The following IGSF10 variants were observed in gnomAD, a reference collection of about 807,000 sequenced individuals.
The protein encoded by IGSF10 is calvaria mechanical force protein 608.
In IGSF10, 126 loss-of-function variants were observed where a neutral mutation model predicts 128.2. The ratio of observed to expected loss-of-function variants is 0.98; its 90% CI spans 0.85 to 1.14. IGSF10 has a LOEUF of 1.14. Among genes scored for constraint, IGSF10 ranks in the 50% most tolerant of loss-of-function variants. The probability of loss-of-function intolerance (pLI) is 0.00; values close to 1 mark genes in which losing one functional copy is unlikely to be tolerated. For synonymous variants in IGSF10, 1,185 were observed against 1,146.2 expected, an observed-to-expected ratio of 1.03 and a Z score of -0.68; for missense variants, 3,295 against 3,149.8, an observed-to-expected ratio of 1.05 and a Z score of -1.10.
chr3:151,553,222 AGACAAAT>A, the IGSF10 span, among the ~76,000 whole-genome samples: 5 of 152,300 alleles, frequency 3.3e-5, no homozygotes, highest in South Asian at 1.0e-3. Context: ...GGTAATATAA[AGACAAAT>A]TATCTTAAAT....
chr3:151,478,518 C>G, the IGSF10 span, among the ~76,000 whole-genome samples: 2 of 152,116 alleles, frequency 1.3e-5, no homozygotes, highest in Non-Finnish European at 2.9e-5. Flanking sequence ...TGCCAGCATA[C>G]CAGAGTAACA....
At chr3:151,572,527 TCTG>T in the IGSF10 span, among the ~76,000 whole-genome samples, 1 of 152,232 alleles carries the variant, frequency 6.6e-6, no homozygotes, top group East Asian at 1.9e-4. Context: ...TATAGTATTC[TCTG>T]ATGATAGTTT....
At chr3:151,619,507 C>T in the IGSF10 span, among the ~76,000 whole-genome samples, 1 of 144,628 alleles carries the variant, frequency 6.9e-6, no homozygotes. Flanking sequence ...GGTAATAGAC[C>T]AAAATTTTAA....
At chr3:151,539,838 A>G in the IGSF10 span, among the ~76,000 whole-genome samples, 1 of 151,486 alleles carries the variant, frequency 6.6e-6, no homozygotes, top group Non-Finnish European at 1.5e-5. Context: ...TCTATCATCT[A>G]TCTATCTGTC....
the IGSF10 span, among the ~76,000 whole-genome samples, chr3:151,526,961 C>A: frequency 2.6e-5 from 4 of 152,224 alleles, no homozygotes; most frequent in South Asian, 2.1e-4. Flanking sequence ...GTAGCTCCAG[C>A]GTATGTGGGT....
the IGSF10 span, among the ~76,000 whole-genome samples, chr3:151,486,820 G>C: frequency 6.6e-6 from 1 of 152,194 alleles, no homozygotes; most frequent in Non-Finnish European, 1.5e-5. Flanking sequence ...GAATCTCTGG[G>C]ACAGATTTAA....
At chr3:151,498,309 T>A in the IGSF10 span, among the ~76,000 whole-genome samples, 4 of 152,218 alleles carry the variant, frequency 2.6e-5, no homozygotes, top group Non-Finnish European at 5.9e-5. Flanking sequence ...TATGGGTTTG[T>A]CATAGATAGC....
chr3:151,484,441 G>C, the IGSF10 span, among the ~76,000 whole-genome samples: 1 of 152,166 alleles, frequency 6.6e-6, no homozygotes, highest in African/African-American at 2.4e-5. Context: ...CACAGTGTTT[G>C]AGCTCTGATA....
intron 6 of IGSF10, among the ~76,000 whole-genome samples, chr3:151,444,180 G>C (rs1721044517): frequency 1.3e-5 from 2 of 151,974 alleles, no homozygotes; most frequent in African/African-American, 4.8e-5. Context: ...AGGTGGTTCA[G>C]ATAGGAGGAT....
the IGSF10 span, among the ~76,000 whole-genome samples, chr3:151,556,656 A>G: frequency 6.6e-6 from 1 of 152,186 alleles, no homozygotes; most frequent in East Asian, 1.9e-4. Context: ...TTCAGTACAT[A>G]GCACTGGAGA....
At chr3:151,463,542 T>C (rs1014828732), upstream of IGSF10, among the ~76,000 whole-genome samples, 1 of 113,100 alleles carries the variant, frequency 8.8e-6, no homozygotes. Flanking sequence ...TTTTTTTTTT[T>C]TTTTTTTTTT....
At chr3:151,566,178 A>G in the IGSF10 span, among the ~76,000 whole-genome samples, 1 of 152,106 alleles carries the variant, frequency 6.6e-6, no homozygotes, top group Non-Finnish European at 1.5e-5. Context: ...TATCAGCTAG[A>G]AAATCAGAAA....
chr3:151,517,944 A>G, the IGSF10 span, among the ~76,000 whole-genome samples: 84 of 152,048 alleles, frequency 5.5e-4, no homozygotes, highest in Non-Finnish European at 1.1e-3. Context: ...TTCTCACCTT[A>G]CGAACCCCAG....
the IGSF10 span, among the ~76,000 whole-genome samples, chr3:151,547,909 T>C: frequency 6.6e-6 from 1 of 152,202 alleles, no homozygotes; most frequent in Non-Finnish European, 1.5e-5. Flanking sequence ...GTTTTACTGT[T>C]TGAGCAACCT....
At position 151,437,258 on chromosome 3, in the gene IGSF10, G is replaced by T. The variant is rs1292025674; in HGVS notation, c.7303C>A (p.Leu2435Ile). Residue 2435 changes from leucine to isoleucine, a missense_variant, in exon 8 of 8, where the codon CTT becomes ATT. By Grantham distance (5) the Leu-to-Ile change is conservative (BLOSUM62 2). Coordinates refer to ENST00000282466, the MANE Select transcript of IGSF10 (RefSeq NM_178822.5). ...TTTACTGTCCCTGGTGCATAGGTAAGAATAACTGGCTTCTGGCCAATTTCT... is the reference window on the plus strand; with the variant it reads ...TTTACTGTCCCTGGTGCATAGGTAATAATAACTGGCTTCTGGCCAATTTCT... ...ILEIGQKPVI[L>I]TYAPGTVKGI... The T allele has an allele frequency of 4.3e-6, 7 of 1,614,200 alleles. No homozygotes were observed. The highest frequency in any genetic ancestry group is 5.9e-6 in the Non-Finnish European group (7 of 1,180,032).
chr3:151,440,476 G>T lies in IGSF10; in HGVS notation c.5964-1879C>A, dbSNP rs1256364910. 3 of 448,526 alleles carry T rather than the reference G, an allele frequency of 6.7e-6. No individual in the cohort carries two copies. The East Asian group carries it at 2.1e-4, about 31-fold the overall frequency. 27.8% of individuals were successfully genotyped at this position (448,526 alleles called of 1,614,324 possible). On this transcript the variant is annotated intron_variant, in intron 7 of 7. Coordinates refer to ENST00000282466, the MANE Select transcript of IGSF10 (RefSeq NM_178822.5). ...ATCAATACAAATACACCTAAAGGAAGGGAAACTGCCAGGTGCTTTGCACTG... is the reference window on the plus strand; with the variant it reads ...ATCAATACAAATACACCTAAAGGAATGGAAACTGCCAGGTGCTTTGCACTG...
chr3:151,443,011 G>A lies in IGSF10; in HGVS notation c.5936C>T (p.Ser1979Phe). 1 of 1,614,098 alleles carries A rather than the reference G, an allele frequency of 6.2e-7. No homozygotes were observed. The highest frequency in any genetic ancestry group is 8.5e-7 in the Non-Finnish European group (1 of 1,179,996). Reference sequence around the variant, plus strand: ...ATGCTGCTGGTCGACCACAGCCTTGGATGGTAACCTCCACATTATTTGGGG... The same window carrying A: ...ATGCTGCTGGTCGACCACAGCCTTGAATGGTAACCTCCACATTATTTGGGG... ...PKPQIMWRLP[S>F]KAVVDQQHRV... Residue 1979 changes from serine to phenylalanine, a missense_variant, in exon 7 of 8, where the codon TCC becomes TTC. Ser to Phe is a radical substitution (Grantham distance 155). Transcript: ENST00000282466.
chr3:151,517,118 A>G, the IGSF10 span, among the ~76,000 whole-genome samples: 10 of 152,168 alleles, frequency 6.6e-5, no homozygotes, highest in Middle Eastern at 3.4e-3. Context: ...ATAGTAGATT[A>G]TATTATAAAG....
the IGSF10 span, among the ~76,000 whole-genome samples, chr3:151,541,716 T>A: frequency 2.0e-5 from 3 of 152,212 alleles, no homozygotes; most frequent in Admixed American, 2.0e-4. Flanking sequence ...TTCATCATCT[T>A]TTCCTCCTTC....
Sources: gnomAD v4.1 joint callset for allele counts (sites outside exome capture counted in the v4.1 genomes callset) on GRCh38, gnomAD v4.1.1 for gene constraint, MANE v1.5 for transcripts, NCBI Gene and HGNC (gene_info 2026-07-23, HGNC 2026-07-21) for gene names.